The following RGS6 variants were observed in gnomAD, a reference collection of about 807,000 sequenced individuals.
RGS6 encodes regulator of G-protein signaling 6.
In RGS6, 30 loss-of-function variants were observed where a neutral mutation model predicts 78.5. That is an observed-to-expected ratio of 0.38 (90% CI 0.29 to 0.52). The LOEUF (loss-of-function observed/expected upper bound fraction) is 0.52. Ranked by LOEUF, RGS6 falls within the 20% of genes least tolerant of loss-of-function variation. The probability of loss-of-function intolerance (pLI) is 0.85; values close to 1 mark genes in which losing one functional copy is unlikely to be tolerated. For missense variants in RGS6, 495 were observed against 609.7 expected (o/e 0.81, Z 1.98); for synonymous variants, 206 against 206.0 (o/e 1.00, Z 0.00).
chr14:72,141,467 A>G (rs1428705124), intron 2 of RGS6, among the ~76,000 whole-genome samples: 1 of 152,156 alleles, frequency 6.6e-6, no homozygotes, highest in African/African-American at 2.4e-5. Context: ...GTAGGGACAG[A>G]ACTGAGTTTC....
At chr14:72,277,870 G>A (rs1363524552) in intron 2 of RGS6, among the ~76,000 whole-genome samples, 1 of 152,186 alleles carries the variant, frequency 6.6e-6, no homozygotes, top group Non-Finnish European at 1.5e-5. Context: ...GGAAGTTGCA[G>A]TGAGCAAAGA....
chr14:72,314,713 C>A (rs2069611473), intron 2 of RGS6, among the ~76,000 whole-genome samples: 1 of 152,174 alleles, frequency 6.6e-6, no homozygotes, highest in Non-Finnish European at 1.5e-5. Context: ...CAACATCCAG[C>A]TTGTCCACTT....
intron 2 of RGS6, among the ~76,000 whole-genome samples, chr14:72,217,269 T>C (rs982812460): frequency 2.6e-5 from 4 of 152,226 alleles, no homozygotes; most frequent in African/African-American, 4.8e-5. Flanking sequence ...CAAGGTGATA[T>C]GGGAGCAATC....
At chr14:72,160,304 TAATCA>T (rs937052698) in intron 2 of RGS6, among the ~76,000 whole-genome samples, 1 of 151,940 alleles carries the variant, frequency 6.6e-6, no homozygotes, top group Non-Finnish European at 1.5e-5. Flanking sequence ...TTTTCCCTCA[TAATCA>T]AATCAACCTG....
At chr14:72,251,198 T>G (rs2055672629) in intron 2 of RGS6, among the ~76,000 whole-genome samples, 1 of 152,256 alleles carries the variant, frequency 6.6e-6, no homozygotes, top group Non-Finnish European at 1.5e-5. Context: ...ACGAAGGTTG[T>G]CTTTTTATGC....
chr14:72,617,812 A>G, the RGS6 span, among the ~76,000 whole-genome samples: 2 of 152,186 alleles, frequency 1.3e-5, no homozygotes, highest in African/African-American at 4.8e-5. Context: ...AACTAAAAAT[A>G]ACCTGGGCCT....
At chr14:72,490,433 T>G (rs1330421698) in intron 12 of RGS6, among the ~76,000 whole-genome samples, 1 of 152,198 alleles carries the variant, frequency 6.6e-6, no homozygotes, top group Non-Finnish European at 1.5e-5. Context: ...AATACAGCTC[T>G]TATTGGTGAA....
chr14:72,621,016 C>T, the RGS6 span, among the ~76,000 whole-genome samples: 1 of 152,012 alleles, frequency 6.6e-6, no homozygotes, highest in East Asian at 1.9e-4. Flanking sequence ...TGGCGTGCAC[C>T]TGTAATCCCA....
intron 3 of RGS6, among the ~76,000 whole-genome samples, chr14:72,364,614 A>G (rs985759737): frequency 6.6e-6 from 1 of 152,220 alleles, no homozygotes; most frequent in Non-Finnish European, 1.5e-5. Context: ...CCAGTTCTTT[A>G]ATAAAAATTG....
chr14:71,940,820 A>G (rs2090411328), intron 1 of RGS6, among the ~76,000 whole-genome samples: 1 of 152,178 alleles, frequency 6.6e-6, no homozygotes, highest in South Asian at 2.1e-4. Context: ...GGTCAAGGGT[A>G]TATCTTCTGG....
chr14:72,621,921 T>C, the RGS6 span, among the ~76,000 whole-genome samples: 2 of 152,122 alleles, frequency 1.3e-5, no homozygotes, highest in Non-Finnish European at 2.9e-5. Flanking sequence ...GAGGGCAACC[T>C]CAGCTATAGA....
chr14:72,437,340 C>CAAAAA (rs57302818), intron 3 of RGS6, among the ~76,000 whole-genome samples: 3 of 80,996 alleles, frequency 3.7e-5, no homozygotes, highest in Non-Finnish European at 5.1e-5. Flanking sequence ...GACTCCATCT[C>CAAAAA]AAAAAAAAAA....
At chr14:71,939,912 G>C (rs1322124067) in intron 1 of RGS6, among the ~76,000 whole-genome samples, 1 of 152,130 alleles carries the variant, frequency 6.6e-6, no homozygotes, top group Non-Finnish European at 1.5e-5. Flanking sequence ...ATCTCTAATG[G>C]CTTCCATTTG....
At chr14:71,926,400 A>G in the RGS6 span, among the ~76,000 whole-genome samples, 3 of 152,198 alleles carry the variant, frequency 2.0e-5, no homozygotes, top group Non-Finnish European at 2.9e-5. Context: ...CCTGGCCAAC[A>G]TGGCAAAACC....
At chr14:72,508,197 A>G (rs1204812020) in intron 13 of RGS6, among the ~76,000 whole-genome samples, 1 of 152,200 alleles carries the variant, frequency 6.6e-6, no homozygotes, top group African/African-American at 2.4e-5. Context: ...CCTGACCTCC[A>G]GGCTCATGAT....
intron 2 of RGS6, among the ~76,000 whole-genome samples, chr14:72,081,141 A>C (rs902365837): frequency 1.3e-5 from 2 of 152,158 alleles, no homozygotes; most frequent in Admixed American, 1.3e-4. Context: ...ATTCCAGTCC[A>C]TGAGTACAGG....
intron 2 of RGS6, among the ~76,000 whole-genome samples, chr14:72,135,317 C>G (rs1363537965): frequency 6.6e-6 from 1 of 152,112 alleles, no homozygotes; most frequent in Admixed American, 6.6e-5. Flanking sequence ...GACTGTGAGG[C>G]AGAGACTCGC....
chr14:72,184,431 G>A (rs2097213234), intron 2 of RGS6, among the ~76,000 whole-genome samples: 1 of 151,272 alleles, frequency 6.6e-6, no homozygotes, highest in Non-Finnish European at 1.5e-5. Flanking sequence ...GAGAGAAAGA[G>A]AGAGAAGCCC....
chr14:72,562,594 A>G lies in RGS6; in HGVS notation c.*127A>G. ...ACTGTGAAGGAGAAAGAGTGAGGGC[A>G]ATGAAGGGCGATGGTGGGGAGACTC... is the stretch of plus-strand genomic sequence containing the variant. On this transcript the variant is annotated 3_prime_UTR_variant, in exon 18 of 18. Transcript: ENST00000553525. The G allele has an allele frequency of 6.5e-7, 1 of 1,541,180 alleles. No homozygotes were observed. Among genetic ancestry groups the G allele is most frequent in the Non-Finnish European group, 8.7e-7 (1 of 1,148,998 alleles).
Sources: allele counts gnomAD v4.1 joint callset (sites outside exome capture counted in the v4.1 genomes callset), GRCh38; gene constraint gnomAD v4.1.1; transcripts MANE v1.5; gene names NCBI Gene and HGNC (gene_info 2026-07-23, HGNC 2026-07-21).